Variants in AMPH observed in about 807,000 individuals in gnomAD.
AMPH encodes the protein amphiphysin (Stiff-Mann syndrome with breast cancer 128kD autoantigen).
In AMPH, 49 loss-of-function variants were observed where a neutral mutation model predicts 99.1. The ratio of observed to expected loss-of-function variants is 0.49; its 90% CI spans 0.39 to 0.63. AMPH has a LOEUF of 0.63. AMPH is among the 20% of genes least tolerant of loss of function. The pLI is 0.00. For missense variants in AMPH, 759 were observed against 863.4 expected (o/e 0.88, Z 1.52); for synonymous variants, 314 against 317.3 (o/e 0.99, Z 0.11).
intron 2 of AMPH, among the ~76,000 whole-genome samples, chr7:38,514,826 C>T (rs1464051490): frequency 1.3e-5 from 2 of 152,152 alleles, no homozygotes; most frequent in African/African-American, 4.8e-5. Flanking sequence ...TAGCAGCAGA[C>T]TGAGACGGAA....
intron 17 of AMPH, among the ~76,000 whole-genome samples, chr7:38,415,875 C>G (rs2128986357): frequency 6.6e-6 from 1 of 151,924 alleles, no homozygotes; most frequent in Middle Eastern, 3.4e-3. Context: ...CTGAATCCTT[C>G]ATTAGACTGT....
chr7:38,429,573 T>A (rs1365878275), intron 14 of AMPH: 1 of 1,451,912 alleles, frequency 6.9e-7, no homozygotes, highest in Non-Finnish European at 9.1e-7. Context: ...TTCTGAAGAG[T>A]CAGTCTTTAA....
At chr7:38,395,589 A>G (rs1472455505) in intron 17 of AMPH, among the ~76,000 whole-genome samples, 1 of 152,216 alleles carries the variant, frequency 6.6e-6, no homozygotes, top group Admixed American at 6.5e-5. Context: ...CGTGAGAAAG[A>G]CTATGTTAGA....
intron 1 of AMPH, among the ~76,000 whole-genome samples, chr7:38,613,179 C>G (rs897818931): frequency 6.6e-6 from 1 of 152,188 alleles, no homozygotes; most frequent in Non-Finnish European, 1.5e-5. Flanking sequence ...TTCCAAAGGT[C>G]TTCCCATCAT....
At chr7:38,406,415 T>C (rs1784985892) in intron 17 of AMPH, among the ~76,000 whole-genome samples, 1 of 151,998 alleles carries the variant, frequency 6.6e-6, no homozygotes, top group Admixed American at 6.6e-5. Context: ...TTACGAAGGA[T>C]CAACAAAACA....
chr7:38,425,190 G>C (rs1785738441), intron 15 of AMPH, among the ~76,000 whole-genome samples: 1 of 152,142 alleles, frequency 6.6e-6, no homozygotes, highest in Admixed American at 6.5e-5. Context: ...AACAGTGGAA[G>C]GACAGGAAAG....
intron 4 of AMPH, among the ~76,000 whole-genome samples, chr7:38,492,791 G>T: frequency 6.6e-6 from 1 of 152,126 alleles, no homozygotes; most frequent in Non-Finnish European, 1.5e-5. Context: ...GCCACACATA[G>T]AAGGTAACAT....
chr7:38,629,861 G>A (rs1381077324), intron 1 of AMPH, among the ~76,000 whole-genome samples: 1 of 152,186 alleles, frequency 6.6e-6, no homozygotes, highest in African/African-American at 2.4e-5. Flanking sequence ...CAGCTGCGGA[G>A]GGAGAGGCAG....
At chr7:38,471,808 A>G (rs964490459) in intron 7 of AMPH, among the ~76,000 whole-genome samples, 4 of 152,226 alleles carry the variant, frequency 2.6e-5, no homozygotes, top group Non-Finnish European at 5.9e-5. Context: ...TATTCCATGC[A>G]AAGAGTAATG....
intron 3 of AMPH, among the ~76,000 whole-genome samples, chr7:38,501,766 C>CAAATAAATAAAT (rs3056240): frequency 6.8e-6 from 1 of 148,074 alleles, no homozygotes. Flanking sequence ...AAAAGCATAC[C>CAAATAAATAAAT]AAATAAATAA....
At chr7:38,386,734 T>C (rs1784359287) in intron 20 of AMPH, among the ~76,000 whole-genome samples, 1 of 152,218 alleles carries the variant, frequency 6.6e-6, no homozygotes, top group Admixed American at 6.5e-5. Flanking sequence ...TGTAAATTTA[T>C]ATATAATGGG....
intron 1 of AMPH, among the ~76,000 whole-genome samples, chr7:38,588,418 A>G (rs567397042): frequency 6.6e-6 from 1 of 152,234 alleles, no homozygotes; most frequent in Non-Finnish European, 1.5e-5. Flanking sequence ...GGTTTCCTAG[A>G]TATAAGAAAG....
intron 1 of AMPH, among the ~76,000 whole-genome samples, chr7:38,613,268 C>A (rs572779270): frequency 3.0e-4 from 45 of 152,066 alleles, no homozygotes; most frequent in African/African-American, 1.1e-3. Context: ...CCAAAGTCAC[C>A]CTTTCTAAAA....
intron 9 of AMPH, chr7:38,464,148 T>C (rs1373299668): frequency 6.2e-6 from 8 of 1,288,144 alleles, no homozygotes; most frequent in Non-Finnish European, 8.1e-6. Flanking sequence ...TAAGTGGTCA[T>C]GGCCCCGCTT....
intron 2 of AMPH, among the ~76,000 whole-genome samples, chr7:38,504,172 T>C (rs572811025): frequency 3.3e-5 from 5 of 152,358 alleles, no homozygotes; most frequent in African/African-American, 1.2e-4. Flanking sequence ...ATTAATTTTA[T>C]ATAGATTACA....
At chr7:38,479,333 C>T (rs939388827) in intron 5 of AMPH, among the ~76,000 whole-genome samples, 1 of 143,592 alleles carries the variant, frequency 7.0e-6, no homozygotes, top group South Asian at 2.4e-4. Context: ...CAGAATTCCA[C>T]ACCCAATGAA....
chr7:38,504,653 T>C (rs1450852802), intron 2 of AMPH, among the ~76,000 whole-genome samples: 1 of 152,202 alleles, frequency 6.6e-6, no homozygotes, highest in Non-Finnish European at 1.5e-5. Context: ...CAATATCTCC[T>C]GTCAGCTATG....
rs70977409 is a variant in AMPH at position 38,473,710 on chromosome 7, CAAAAAAAAAAAAAAAAAAAAAAAAA to C, written c.590+1596_590+1620del. 1.3e-3 allele frequency among the ~76,000 whole-genome samples: 5 copies of C among 3,780 alleles called. 1 individual carries two copies. Among genetic ancestry groups the C allele is most frequent in the Non-Finnish European group, 2.1e-3 (5 of 2,416 alleles). The allele number at this position is 3,780 out of a possible 152,430, so 2.5% of individuals were successfully genotyped here. A position where few individuals can be genotyped will look rare whatever the true frequency, so the allele number is the denominator to read the frequency against. On this transcript the variant is annotated intron_variant, in intron 7 of 20. Coordinates refer to ENST00000356264, the MANE Select transcript of AMPH (RefSeq NM_001635.4). ...TGGGCGACAGAGCGAGACTCCGTCT[CAAAAAAAAAAAAAAAAAAAAAAAAA>C]AAAAAAAAAAAAGTATTCCATGAAA...
intron 11 of AMPH, among the ~76,000 whole-genome samples, chr7:38,439,644 G>T (rs971413098): frequency 5.1e-4 from 78 of 152,104 alleles, no homozygotes; most frequent in African/African-American, 1.4e-3. Flanking sequence ...TAGCTTTTTG[G>T]GAACTTGATT....
Sources: allele counts gnomAD v4.1 joint callset (sites outside exome capture counted in the v4.1 genomes callset), GRCh38; gene constraint gnomAD v4.1.1; transcripts MANE v1.5; gene names NCBI Gene and HGNC (gene_info 2026-07-23, HGNC 2026-07-21).